MYO5B: variants seen among roughly 807,000 people sequenced by gnomAD.
MYO5B encodes unconventional myosin-Vb.
A neutral mutation model predicts 229.3 loss-of-function variants in MYO5B; 143 were observed. That is an observed-to-expected ratio of 0.62 (90% confidence interval 0.54 to 0.72). The LOEUF (loss-of-function observed/expected upper bound fraction) is 0.72. MYO5B is among the 30% of genes least tolerant of loss of function. The probability of loss-of-function intolerance (pLI) is 0.00; values close to 1 mark genes in which losing one functional copy is unlikely to be tolerated. For synonymous variants in MYO5B, 918 were observed against 885.2 expected, an observed-to-expected ratio of 1.04 and a Z score of -0.66; for missense variants, 2,321 against 2,331.0, an observed-to-expected ratio of 1.00 and a Z score of 0.09.
At chr18:50,104,682 G>A (rs531626214) in intron 1 of MYO5B, among the ~76,000 whole-genome samples, 14 of 152,226 alleles carry the variant, frequency 9.2e-5, no homozygotes, top group Admixed American at 3.3e-4. Context: ...CAGACCATGC[G>A]CTCTTACATT....
intron 1 of MYO5B, among the ~76,000 whole-genome samples, chr18:50,099,363 G>A (rs1470488357): frequency 5.3e-5 from 8 of 152,246 alleles, no homozygotes; most frequent in Non-Finnish European, 8.8e-5. Flanking sequence ...GCTGTTTGAT[G>A]TTCCAGAGTG....
chr18:49,992,429 G>A lies in MYO5B; in HGVS notation c.615C>T (p.Ala205=). The change falls in exon 6 of 40, where the codon GCC becomes GCT. Residue 205 remains alanine, a splice_region_variant and synonymous_variant. Coordinates refer to ENST00000285039, the MANE Select transcript of MYO5B (RefSeq NM_001080467.3). ...TGCGGGTGGTCTTGGCATTTCCAATGGCCTGCACAGACCAGACAGACAAAG... is the reference window on the plus strand; with the variant it reads ...TGCGGGTGGTCTTGGCATTTCCAATAGCCTGCACAGACCAGACAGACAAAG... ...KVLASSPIME[A]IGNAKTTRND... The A allele has an allele frequency of 6.2e-7, 1 of 1,614,044 alleles. No individual in the cohort carries two copies. The highest frequency in any genetic ancestry group is 8.5e-7 in the Non-Finnish European group (1 of 1,179,988).
chr18:50,114,998 C>G (rs936013477), intron 1 of MYO5B, among the ~76,000 whole-genome samples: 2 of 152,212 alleles, frequency 1.3e-5, no homozygotes, highest in African/African-American at 2.4e-5. Flanking sequence ...CCAGACATAG[C>G]AGAGAACAGA....
intron 22 of MYO5B, among the ~76,000 whole-genome samples, chr18:49,886,249 T>C (rs1194284229): frequency 6.6e-6 from 1 of 152,174 alleles, no homozygotes. Flanking sequence ...ACCAACACTT[T>C]TAACAGTCTA....
chr18:49,875,595 T>C (rs1045789974), intron 26 of MYO5B, 92 bp downstream of exon 26: 9 of 1,552,844 alleles, frequency 5.8e-6, no homozygotes, highest in Admixed American at 3.3e-5. Flanking sequence ...CACAATCCCA[T>C]GTGGTCACAC....
At chr18:49,852,322 G>A (rs1463136740) in intron 31 of MYO5B, among the ~76,000 whole-genome samples, 1 of 152,212 alleles carries the variant, frequency 6.6e-6, no homozygotes, top group Admixed American at 6.5e-5. Flanking sequence ...CCTCTACCTG[G>A]CAGAAGCTGG....
At chr18:49,907,259 A>C (rs1037722577) in intron 18 of MYO5B, among the ~76,000 whole-genome samples, 1 of 152,224 alleles carries the variant, frequency 6.6e-6, no homozygotes, top group Non-Finnish European at 1.5e-5. Flanking sequence ...GCTTTGAGCA[A>C]GGAAATGACC....
At chr18:50,046,681 C>T (rs2666931) in intron 2 of MYO5B, among the ~76,000 whole-genome samples, 147,468 of 152,258 alleles carry the variant, frequency 0.97, 71,576 homozygotes, top group East Asian at 1. Context: ...GTTCATTTAA[C>T]ATGCATTAAA....
chr18:50,043,499 A>G (rs1255669051), intron 2 of MYO5B, among the ~76,000 whole-genome samples: 3 of 120,636 alleles, frequency 2.5e-5, no homozygotes, highest in African/African-American at 6.7e-5. Flanking sequence ...TTTTATATAT[A>G]AATATAAATA....
At chr18:50,054,011 C>T (rs1016764481) in intron 2 of MYO5B, among the ~76,000 whole-genome samples, 27 of 152,324 alleles carry the variant, frequency 1.8e-4, no homozygotes, top group Middle Eastern at 6.8e-3. Context: ...TCGTCTCCCC[C>T]ACCGTAAAGC....
chr18:49,875,552 A>G, intron 26 of MYO5B, 135 bp downstream of exon 26: 1 of 1,210,330 alleles, frequency 8.3e-7, no homozygotes, highest in African/African-American at 1.5e-5. Flanking sequence ...ACTCCAATGC[A>G]CTAAGTAGGA....
chr18:49,872,732 G>T (rs765065449), intron 26 of MYO5B, among the ~76,000 whole-genome samples: 1 of 152,150 alleles, frequency 6.6e-6, no homozygotes, highest in Non-Finnish European at 1.5e-5. Flanking sequence ...GGAACACCAC[G>T]ATGGCCAAAA....
chr18:50,149,272 C>G (rs1456752714), intron 1 of MYO5B, among the ~76,000 whole-genome samples: 7 of 149,748 alleles, frequency 4.7e-5, no homozygotes, highest in African/African-American at 1.2e-4. Context: ...AGGTAATTTA[C>G]AGATTCAATG....
At chr18:50,085,996 C>T (rs1397779228) in intron 1 of MYO5B, among the ~76,000 whole-genome samples, 2 of 151,936 alleles carry the variant, frequency 1.3e-5, no homozygotes, top group South Asian at 4.2e-4. Context: ...AGCACACCAA[C>T]GTGGCACATG....
In MYO5B at chr18:49,877,882, G is replaced by C; in HGVS notation, c.3277C>G (p.Gln1093Glu). 1 of 1,614,090 alleles carries C rather than the reference G, an allele frequency of 6.2e-7. No homozygotes were observed. The highest frequency in any genetic ancestry group is 8.5e-7 in the Non-Finnish European group (1 of 1,179,952). The change falls in exon 25 of 40, where the codon CAA (glutamine) becomes GAA (glutamate). Residue 1093 changes from glutamine to glutamate, a missense_variant and splice_region_variant. Transcript: ENST00000285039. ...GGGTTCCGCCTATGACCTGGAGTTTGCTGTTCAACAAGAAAAACGTGATAG... is the reference window on the plus strand; with the variant it reads ...GGGTTCCGCCTATGACCTGGAGTTTCCTGTTCAACAAGAAAAACGTGATAG... ...NLRDEMTIIK[Q>E]TPGHRRNPSN...
rs1330249531 is a variant in MYO5B at position 49,904,722 on chromosome 18, C to G, written c.2521G>C (p.Val841Leu). The part of the protein sequence containing the change: ...AYQRVRRAAV[V>L]IQAFTRAMFV... ...ATGGCCCGGGTGAAGGCCTGGATAA[C>G]AACGGCAGCTCTGCGGACCCTCTGG... The change falls in exon 20 of 40, where the codon GTT (valine) becomes CTT (leucine). Residue 841 changes from valine to leucine, a missense_variant. Transcript: ENST00000285039. 4 of 1,614,096 alleles carry G rather than the reference C, an allele frequency of 2.5e-6. No homozygotes were observed. The highest frequency in any genetic ancestry group is 2.5e-6 in the Non-Finnish European group (3 of 1,180,040).
At chr18:50,062,675 T>C (rs925857133) in intron 1 of MYO5B, among the ~76,000 whole-genome samples, 2 of 152,198 alleles carry the variant, frequency 1.3e-5, no homozygotes, top group Non-Finnish European at 2.9e-5. Flanking sequence ...TACCGCTGTC[T>C]GAAGGAGTGT....
At chr18:50,016,572 A>G (rs552408488) in intron 4 of MYO5B, among the ~76,000 whole-genome samples, 2 of 152,288 alleles carry the variant, frequency 1.3e-5, no homozygotes, top group African/African-American at 4.8e-5. Flanking sequence ...GGCTAAAATG[A>G]TACCATCTAA....
In MYO5B at chr18:50,192,149, C is replaced by A. The variant is rs560976141; in HGVS notation, c.27+2618G>T. ...ACAATGGTAGAAACAATAGCCAACA[C>A]CACAGACATCTCAATTGGTTCAGCT... is the stretch of plus-strand genomic sequence containing the variant. On this transcript the variant is annotated intron_variant, in intron 1 of 39. Coordinates refer to ENST00000285039, the MANE Select transcript of MYO5B (RefSeq NM_001080467.3). Among the ~76,000 whole-genome samples the A allele has an allele frequency of 2.3e-4, 35 of 152,216 alleles. 1 individual carries two copies. In the South Asian group the frequency reaches 7.3e-3, roughly 32 times the overall value.
Sources: gnomAD v4.1 joint callset for allele counts (sites outside exome capture counted in the v4.1 genomes callset) on GRCh38, gnomAD v4.1.1 for gene constraint, MANE v1.5 for transcripts, NCBI Gene and HGNC (gene_info 2026-07-23, HGNC 2026-07-21) for gene names.